The following NPLOC4 variants were observed in gnomAD, a reference collection of about 807,000 sequenced individuals.
NPLOC4 encodes the protein NPL4 homolog, ubiquitin recognition factor, also known as nuclear protein localization protein 4 homolog.
NPLOC4 carries 18 observed loss-of-function variants against 80.6 expected under a neutral mutation model. The ratio of observed to expected loss-of-function variants is 0.22; its 90% CI spans 0.15 to 0.33. The LOEUF (loss-of-function observed/expected upper bound fraction) is 0.33, where lower values mean the gene tolerates loss of function less well. Ranked by LOEUF, NPLOC4 falls within the 10% of genes least tolerant of loss-of-function variation. The probability of loss-of-function intolerance (pLI) is 1.00; values close to 1 mark genes in which losing one functional copy is unlikely to be tolerated. For synonymous variants in NPLOC4, 313 were observed against 301.5 expected, an observed-to-expected ratio of 1.04 and a Z score of -0.39; for missense variants, 540 against 786.1, an observed-to-expected ratio of 0.69 and a Z score of 3.74.
chr17:81,578,808 C>T (rs2034366121), intron 12 of NPLOC4, among the ~76,000 whole-genome samples: 1 of 152,228 alleles, frequency 6.6e-6, no homozygotes, highest in South Asian at 2.1e-4. Flanking sequence ...GGTGTGGACA[C>T]AAAGCCTATC....
intron 8 of NPLOC4, among the ~76,000 whole-genome samples, chr17:81,602,652 A>G (rs1443639743): frequency 6.6e-6 from 1 of 151,540 alleles, no homozygotes; most frequent in Non-Finnish European, 1.5e-5. Context: ...AAGTGAGTGG[A>G]GATCATGCCA....
At chr17:81,584,770 G>T (rs1174134099) in intron 12 of NPLOC4, among the ~76,000 whole-genome samples, 1 of 152,170 alleles carries the variant, frequency 6.6e-6, no homozygotes, top group South Asian at 2.1e-4. Flanking sequence ...GTGCTATTTT[G>T]TAACAGGCTT....
intron 15 of NPLOC4, among the ~76,000 whole-genome samples, chr17:81,566,237 C>T (rs1465733443): frequency 2.0e-5 from 3 of 152,120 alleles, no homozygotes; most frequent in East Asian, 1.9e-4. Context: ...GAGGCTGAGG[C>T]GGGAGAATCG....
chr17:81,559,113 G>C lies in NPLOC4; in HGVS notation c.*146C>G. ...GGGAGGAACGTGCTGAGAAGCTTCAGTGGGTCAGGGAGCCCAGGACAGCCA... is the reference window on the plus strand; with the variant it reads ...GGGAGGAACGTGCTGAGAAGCTTCACTGGGTCAGGGAGCCCAGGACAGCCA... On this transcript the variant is annotated 3_prime_UTR_variant, in exon 17 of 17. Transcript: ENST00000331134. 1 of 888,044 alleles carries C rather than the reference G, an allele frequency of 1.1e-6. No homozygotes were observed. The highest frequency in any genetic ancestry group is 3.0e-5 in the Admixed American group (1 of 33,458). The allele number at this position is 888,044 out of a possible 1,614,324, so 55.0% of individuals were successfully genotyped here.
Position 81,625,558 on chromosome 17 carries a change from A to G in NPLOC4, c.97-3280T>C, listed in dbSNP as rs572999325. ...AAAAAATTCACTGAACGGGCTTATCAGCAGAAGGGAGAGAGCAGAAGAGTC... is the reference window on the plus strand; with the variant it reads ...AAAAAATTCACTGAACGGGCTTATCGGCAGAAGGGAGAGAGCAGAAGAGTC... On this transcript the variant is annotated intron_variant, in intron 2 of 16. Coordinates refer to ENST00000331134, the MANE Select transcript of NPLOC4 (RefSeq NM_017921.4). Among the ~76,000 whole-genome samples the G allele has an allele frequency of 5.1e-4, 78 of 152,344 alleles. No individual in the cohort carries two copies. The Middle Eastern group carries it at 0.01, about 20-fold the overall frequency.
intron 14 of NPLOC4, among the ~76,000 whole-genome samples, chr17:81,568,330 C>T (rs1035743959): frequency 6.6e-6 from 1 of 152,208 alleles, no homozygotes; most frequent in Non-Finnish European, 1.5e-5. Flanking sequence ...TTCAAGAGTG[C>T]ACCCCAATAA....
intron 9 of NPLOC4, among the ~76,000 whole-genome samples, chr17:81,597,523 G>T (rs527946769): frequency 2.2e-3 from 331 of 152,182 alleles, no homozygotes; most frequent in African/African-American, 7.5e-3. Context: ...GGTGGCTCAC[G>T]CCTGTAATCC....
chr17:81,573,251 G>A (rs776241378), intron 12 of NPLOC4, among the ~76,000 whole-genome samples: 6 of 152,044 alleles, frequency 3.9e-5, no homozygotes, highest in Admixed American at 3.3e-4. Flanking sequence ...AAAAGTTTAC[G>A]TTTATTGGAG....
chr17:81,561,257 T>A (rs1416666047), intron 16 of NPLOC4, among the ~76,000 whole-genome samples: 2 of 152,122 alleles, frequency 1.3e-5, no homozygotes, highest in Admixed American at 6.5e-5. Flanking sequence ...ATGCCCGACC[T>A]GCATTTCCTT....
chr17:81,610,394 A>G (rs2035310007), intron 4 of NPLOC4, 136 bp from the exon 5 acceptor site: 1 of 697,730 alleles, frequency 1.4e-6, no homozygotes, highest in Non-Finnish European at 2.5e-6. Flanking sequence ...TGGCACATGG[A>G]TAAACATTTA....
chr17:81,623,981 A>G (rs1312051726), intron 2 of NPLOC4, among the ~76,000 whole-genome samples: 2 of 150,968 alleles, frequency 1.3e-5, no homozygotes, highest in Non-Finnish European at 3.0e-5. Context: ...CACAAAAATG[A>G]ACTAGAAAAG....
At chr17:81,619,216 AAAC>A (rs963269116) in intron 3 of NPLOC4, among the ~76,000 whole-genome samples, 22 of 151,760 alleles carry the variant, frequency 1.4e-4, no homozygotes, top group Non-Finnish European at 2.5e-4. Flanking sequence ...AAAAAAAAAA[AAAC>A]ACAAAAAATT....
At position 81,613,378 on chromosome 17, in the gene NPLOC4, T is replaced by C. The variant is rs367985830; in HGVS notation, c.326A>G (p.Glu109Gly). The change falls in exon 4 of 17, where the codon GAG (glutamate) becomes GGG (glycine). Residue 109 changes from glutamate to glycine, a missense_variant. Glu to Gly is a moderately conservative substitution (Grantham distance 98, BLOSUM62 -2). Around this residue, in one of 6 missense-constraint regions of NPLOC4, gnomAD observed 74 missense variants for 75.7 expected, o/e 0.98. Coordinates refer to ENST00000331134, the MANE Select transcript of NPLOC4 (RefSeq NM_017921.4). ...VFGAPNVVED[E>G]IDQYLSKQDG... ...CTGTTTGCTGAGGTACTGATCAATC[T>C]CATCCTCCACCACGTTGGGAGCGCC... is the stretch of plus-strand genomic sequence containing the variant. The C allele has an allele frequency of 7.3e-5, 118 of 1,613,968 alleles. No individual in the cohort carries two copies. The highest frequency in any genetic ancestry group is 3.3e-4 in the Middle Eastern group (2 of 6,062).
chr17:81,581,348 CAAAAAAAA>C (rs1169351301), intron 12 of NPLOC4, among the ~76,000 whole-genome samples: 590 of 8,432 alleles, frequency 0.07, 9 homozygotes, highest in Non-Finnish European at 0.1. Flanking sequence ...GACTCCAACG[CAAAAAAAA>C]AAAAAAAAAA....
intron 14 of NPLOC4, 38 bp downstream of exon 14, chr17:81,568,978 G>A: frequency 1.6e-6 from 2 of 1,268,558 alleles, no homozygotes; most frequent in East Asian, 4.6e-5. Flanking sequence ...ACAATCAGCA[G>A]TTACCTTAAA....
intron 12 of NPLOC4, among the ~76,000 whole-genome samples, chr17:81,582,131 TG>T (rs2034458529): frequency 6.6e-6 from 1 of 152,184 alleles, no homozygotes; most frequent in African/African-American, 2.4e-5. Flanking sequence ...AAGACTTACT[TG>T]GGGAACATTT....
chr17:81,629,268 CTG>C (rs1420888556), intron 2 of NPLOC4, among the ~76,000 whole-genome samples: 8 of 149,934 alleles, frequency 5.3e-5, no homozygotes, highest in African/African-American at 2.0e-4. Flanking sequence ...CCTCGACTCA[CTG>C]TAAACTCTGC....
At chr17:81,587,675 T>G (rs1285162807) in intron 12 of NPLOC4, among the ~76,000 whole-genome samples, 4 of 31,708 alleles carry the variant, frequency 1.3e-4, no homozygotes, top group Admixed American at 7.8e-4. Flanking sequence ...AAAAAAGTTG[T>G]TTTTTTTTTT....
Position 81,594,012 on chromosome 17 carries a change from G to A in NPLOC4, c.1120+2104C>T, listed in dbSNP as rs1056878898. 5.3e-5 allele frequency among the ~76,000 whole-genome samples: 8 copies of A among 152,002 alleles called. No homozygotes were observed. The South Asian group carries it at 1.0e-3, about 20-fold the overall frequency. ...GACTCGGCCGGGCGCAGTGGCTCAC[G>A]CCTGTAATCCCAGCACCTTGGAAGG... On this transcript the variant is annotated intron_variant, in intron 11 of 16. Coordinates refer to ENST00000331134, the MANE Select transcript of NPLOC4 (RefSeq NM_017921.4).
Sources: gnomAD v4.1 joint callset for allele counts (sites outside exome capture counted in the v4.1 genomes callset) on GRCh38, gnomAD v4.1.1 for gene constraint, gnomAD v4.1.1 regional missense constraint, MANE v1.5 for transcripts, NCBI Gene and HGNC (gene_info 2026-07-23, HGNC 2026-07-21) for gene names.